ST6GALNAC3: variants seen among roughly 807,000 people sequenced by gnomAD.
The protein encoded by ST6GALNAC3 is ST6 N-acetylgalactosaminide alpha-2,6-sialyltransferase 3.
ST6GALNAC3 carries 25 observed loss-of-function variants against 32.7 expected under a neutral mutation model. The ratio of observed to expected loss-of-function variants is 0.76; its 90% confidence interval spans 0.56 to 1.07. The LOEUF is 1.07. Among genes scored for constraint, ST6GALNAC3 ranks in the 50% least tolerant of loss-of-function variants. The probability of loss-of-function intolerance (pLI) is 0.00; values close to 1 mark genes in which losing one functional copy is unlikely to be tolerated. For synonymous variants in ST6GALNAC3, 129 were observed against 133.1 expected, an observed-to-expected ratio of 0.97 and a Z score of 0.21; for missense variants, 355 against 382.4, an observed-to-expected ratio of 0.93 and a Z score of 0.60.
At chr1:76,448,780 A>G (rs1657171101) in intron 3 of ST6GALNAC3, among the ~76,000 whole-genome samples, 1 of 152,168 alleles carries the variant, frequency 6.6e-6, no homozygotes, top group Non-Finnish European at 1.5e-5. Flanking sequence ...AGGCCTCACC[A>G]GCCATGTGGA....
chr1:76,317,049 G>A lies in ST6GALNAC3; in HGVS notation c.213+3050G>A, dbSNP rs996532608. On this transcript the variant is annotated intron_variant, in intron 2 of 4. Coordinates refer to ENST00000328299, the MANE Select transcript of ST6GALNAC3 (RefSeq NM_152996.4). ...ATAGACCCCATATTGCATCATGAAT[G>A]CAGGTGATAGAGCAGAAAATTTTGC... Among the ~76,000 whole-genome samples the A allele has an allele frequency of 1.2e-4, 19 of 152,230 alleles. No homozygotes were observed. In the East Asian group the frequency reaches 2.7e-3, roughly 22 times the overall value.
At chr1:76,316,585 A>AG (rs1317198560) in intron 2 of ST6GALNAC3, among the ~76,000 whole-genome samples, 3 of 152,038 alleles carry the variant, frequency 2.0e-5, no homozygotes, top group African/African-American at 4.8e-5. Flanking sequence ...AAACTAAAAA[A>AG]GGAAAAAAAA....
At position 76,111,730 on chromosome 1, in the gene ST6GALNAC3, T is replaced by C. The variant is rs1251032735; in HGVS notation, c.18+36846T>C. On this transcript the variant is annotated intron_variant, in intron 1 of 4. Transcript: ENST00000328299. ...TTCAACCCTGAGTGGACACAGCACATGTTTCAGAGAGCACAGGGTTGGGGG... is the reference window on the plus strand; with the variant it reads ...TTCAACCCTGAGTGGACACAGCACACGTTTCAGAGAGCACAGGGTTGGGGG... 4.0e-5 allele frequency among the ~76,000 whole-genome samples: 6 copies of C among 150,002 alleles called. No individual in the cohort carries two copies. In the South Asian group the frequency reaches 1.1e-3, roughly 27 times the overall value.
chr1:76,527,349 G>A (rs1662975798), intron 3 of ST6GALNAC3, among the ~76,000 whole-genome samples: 1 of 151,994 alleles, frequency 6.6e-6, no homozygotes, highest in African/African-American at 2.4e-5. Flanking sequence ...AAATGCCCAA[G>A]AGGCTGACAA....
At chr1:76,580,808 C>A (rs1406843853) in intron 3 of ST6GALNAC3, among the ~76,000 whole-genome samples, 1 of 151,922 alleles carries the variant, frequency 6.6e-6, no homozygotes, top group Non-Finnish European at 1.5e-5. Flanking sequence ...GTTGATATTG[C>A]ATGTGCAGGG....
Position 76,628,601 on chromosome 1 carries a change from C to CTT in ST6GALNAC3, c.732-11_732-10dup. 6.5e-7 allele frequency: 1 copy of CTT among 1,541,782 alleles called. No individual in the cohort carries two copies. Among genetic ancestry groups the CTT allele is most frequent in the Non-Finnish European group, 8.7e-7 (1 of 1,148,996 alleles). ...TTCATCTCAATCTTTCTCTCCTTTT[C>CTT]TTTTTTTTTCTTTTCTAGGACAGAA... On this transcript the variant is annotated intron_variant, in intron 4 of 4. Coordinates refer to ENST00000328299, the MANE Select transcript of ST6GALNAC3 (RefSeq NM_152996.4).
At chr1:76,166,279 T>G (rs1473899014) in intron 1 of ST6GALNAC3, among the ~76,000 whole-genome samples, 2 of 152,182 alleles carry the variant, frequency 1.3e-5, no homozygotes, top group Non-Finnish European at 2.9e-5. Flanking sequence ...CCCCATTGCT[T>G]GTTTTTGTCA....
chr1:76,494,481 A>G lies in ST6GALNAC3; in HGVS notation c.623+82064A>G, dbSNP rs867222315. ...TATATATATATATACACACACACAC[A>G]CACACTTTCCCTACTTTCTTCCACT... On this transcript the variant is annotated intron_variant, in intron 3 of 4. Transcript: ENST00000328299. Among the ~76,000 whole-genome samples, 262 of 138,930 alleles carry G rather than the reference A, an allele frequency of 1.9e-3. 1 individual carries two copies. The highest frequency in any genetic ancestry group is 6.8e-3 in the African/African-American group (256 of 37,844). 91.1% of individuals were successfully genotyped at this position (138,930 alleles called of 152,430 possible).
At chr1:76,501,894 A>G (rs751791208) in intron 3 of ST6GALNAC3, among the ~76,000 whole-genome samples, 2 of 152,250 alleles carry the variant, frequency 1.3e-5, no homozygotes, top group African/African-American at 2.4e-5. Flanking sequence ...CAACAAATCA[A>G]TGAAATCAGA....
rs547075240 is a variant in ST6GALNAC3, at chr1:76,159,095, T to C, written c.18+84211T>C. ...CAAGAGTGGAGATGGGAAAGTACTT[T>C]CCTGGGGACAGAGGATGGAGGTGAA... On this transcript the variant is annotated intron_variant, in intron 1 of 4. Coordinates refer to ENST00000328299, the MANE Select transcript of ST6GALNAC3 (RefSeq NM_152996.4). Among the ~76,000 whole-genome samples, 93 of 152,310 alleles carry C rather than the reference T, an allele frequency of 6.1e-4. 1 individual carries two copies. Among genetic ancestry groups the C allele is most frequent in the South Asian group, 3.7e-3 (18 of 4,826 alleles).
At chr1:76,362,936 T>C (rs1342838219) in intron 2 of ST6GALNAC3, among the ~76,000 whole-genome samples, 1 of 152,170 alleles carries the variant, frequency 6.6e-6, no homozygotes, top group Non-Finnish European at 1.5e-5. Context: ...ACAGTGGCTG[T>C]CTTCTCACAG....
At chr1:76,530,445 C>G (rs1663183292) in intron 3 of ST6GALNAC3, among the ~76,000 whole-genome samples, 1 of 152,124 alleles carries the variant, frequency 6.6e-6, no homozygotes, top group South Asian at 2.1e-4. Flanking sequence ...TTAAAACTGA[C>G]CACGTTCATT....
intron 1 of ST6GALNAC3, among the ~76,000 whole-genome samples, chr1:76,211,396 GA>G (rs1225638090): frequency 6.6e-6 from 1 of 152,144 alleles, no homozygotes; most frequent in Non-Finnish European, 1.5e-5. Context: ...CAGGGATCTA[GA>G]ACTAGAAACA....
At chr1:76,414,849 T>C (rs777606148) in intron 3 of ST6GALNAC3, among the ~76,000 whole-genome samples, 2 of 152,126 alleles carry the variant, frequency 1.3e-5, no homozygotes, top group Non-Finnish European at 2.9e-5. Context: ...TCAACAATTC[T>C]GCCTTAATAT....
rs572746794 is a variant in ST6GALNAC3 at position 76,505,201 on chromosome 1, G to A, written c.623+92784G>A. 7.9e-5 allele frequency among the ~76,000 whole-genome samples: 12 copies of A among 151,398 alleles called. No homozygotes were observed. In the South Asian group the frequency reaches 2.3e-3, roughly 29 times the overall value. On this transcript the variant is annotated intron_variant, in intron 3 of 4. Coordinates refer to ENST00000328299, the MANE Select transcript of ST6GALNAC3 (RefSeq NM_152996.4). ...TGCAGAGGCGCGGTCTCAGCTCACT[G>A]CAACCTCTGCCTCCCGGGTTCAAGC...
chr1:76,244,128 A>G (rs1657123125), intron 1 of ST6GALNAC3, among the ~76,000 whole-genome samples: 1 of 151,716 alleles, frequency 6.6e-6, no homozygotes, highest in African/African-American at 2.4e-5. Flanking sequence ...TTCTTTGAGC[A>G]GTGGTTTGTA....
intron 3 of ST6GALNAC3, among the ~76,000 whole-genome samples, chr1:76,530,779 G>C (rs1459732483): frequency 6.6e-6 from 1 of 152,142 alleles, no homozygotes; most frequent in Non-Finnish European, 1.5e-5. Flanking sequence ...GAGATTAAGT[G>C]ACTTGCTCAT....
At chr1:76,243,282 C>T (rs1384716912) in intron 1 of ST6GALNAC3, among the ~76,000 whole-genome samples, 3 of 152,036 alleles carry the variant, frequency 2.0e-5, no homozygotes, top group African/African-American at 7.3e-5. Context: ...TATCCTTCGC[C>T]CACTTTTTGA....
chr1:76,352,393 G>C (rs1649054179), intron 2 of ST6GALNAC3, among the ~76,000 whole-genome samples: 1 of 150,444 alleles, frequency 6.6e-6, no homozygotes, highest in Non-Finnish European at 1.5e-5. Flanking sequence ...AATATTATTG[G>C]GCTCATAGGA....
Sources: allele counts gnomAD v4.1 joint callset (sites outside exome capture counted in the v4.1 genomes callset), GRCh38; gene constraint gnomAD v4.1.1; transcripts MANE v1.5; gene names NCBI Gene and HGNC (gene_info 2026-07-23, HGNC 2026-07-21).